The following AFG1L variants were observed in gnomAD, a reference collection of about 807,000 sequenced individuals.
AFG1L encodes AFG1-like ATPase.
A neutral mutation model predicts 62.2 loss-of-function variants in AFG1L; 53 were observed. The observed-to-expected ratio is 0.85, with a 90% CI of 0.68 to 1.07. The LOEUF (loss-of-function observed/expected upper bound fraction) is 1.07. Among genes scored for constraint, AFG1L ranks in the 50% least tolerant of loss-of-function variants. AFG1L has a pLI of 0.00. For synonymous variants in AFG1L, 228 were observed against 210.3 expected (o/e 1.08, Z -0.73); for missense variants, 555 against 590.5 (o/e 0.94, Z 0.62).
intron 7 of AFG1L, among the ~76,000 whole-genome samples, chr6:108,402,395 C>T (rs962338560): frequency 5.3e-4 from 76 of 142,936 alleles, no homozygotes; most frequent in African/African-American, 1.8e-3. Flanking sequence ...ACCCTGGAGG[C>T]GGAGGTTGCA....
chr6:108,381,043 A>G (rs1471108108), intron 6 of AFG1L, among the ~76,000 whole-genome samples: 8 of 152,204 alleles, frequency 5.3e-5, no homozygotes, highest in Admixed American at 1.3e-4. Context: ...CTATCTTGCT[A>G]TTTCCAAGTG....
intron 6 of AFG1L, among the ~76,000 whole-genome samples, chr6:108,366,956 T>G (rs555363243): frequency 6.6e-6 from 1 of 152,292 alleles, no homozygotes; most frequent in East Asian, 1.9e-4. Context: ...TTTCTCCAGA[T>G]ATCTGCATGG....
chr6:108,352,136 T>C (rs1020697618), intron 3 of AFG1L, among the ~76,000 whole-genome samples: 4 of 152,174 alleles, frequency 2.6e-5, no homozygotes, highest in African/African-American at 7.2e-5. Flanking sequence ...CTCCCACATT[T>C]TCCACATCCC....
At chr6:108,390,777 TG>T (rs548045598) in intron 6 of AFG1L, among the ~76,000 whole-genome samples, 13 of 152,306 alleles carry the variant, frequency 8.5e-5, no homozygotes, top group Middle Eastern at 3.4e-3. Flanking sequence ...CTGACCCTGC[TG>T]GGGGGTGCCT....
In AFG1L at chr6:108,357,131, A is replaced by G. The variant is rs114619311; in HGVS notation, c.648+311A>G. ...GGGTCCTGCTCTGTCACCGAGGCCC[A>G]GGCTGGAGTGCAGTGGCATAATCAA... On this transcript the variant is annotated intron_variant, in intron 5 of 12. Transcript: ENST00000368977. Among the ~76,000 whole-genome samples, 632 of 152,188 alleles carry G rather than the reference A, an allele frequency of 4.2e-3. 5 individuals carry two copies. The highest frequency in any genetic ancestry group is 0.013 in the African/African-American group (558 of 41,538).
intron 1 of AFG1L, among the ~76,000 whole-genome samples, chr6:108,322,183 C>G (rs1206140614): frequency 6.6e-6 from 1 of 152,188 alleles, no homozygotes; most frequent in Non-Finnish European, 1.5e-5. Flanking sequence ...GCTAGGATTA[C>G]AGGTGTGAGC....
At chr6:108,387,785 G>A (rs1014413761) in intron 6 of AFG1L, 10 of 152,094 alleles carry the variant, frequency 6.6e-5, no homozygotes, top group South Asian at 6.2e-4. Context: ...TGACAAATGT[G>A]TGCTATTATC....
intron 1 of AFG1L, among the ~76,000 whole-genome samples, chr6:108,310,858 A>G (rs182030883): frequency 6.6e-6 from 1 of 152,256 alleles, no homozygotes; most frequent in East Asian, 1.9e-4. Context: ...GGTACAGGCA[A>G]GTGTGTCATT....
chr6:108,428,465 C>T (rs1048048436), intron 7 of AFG1L, among the ~76,000 whole-genome samples: 2 of 152,132 alleles, frequency 1.3e-5, no homozygotes, highest in Non-Finnish European at 2.9e-5. Context: ...TGGCTAGATA[C>T]CCAATAGTGG....
At chr6:108,410,072 G>A (rs11153107) in intron 7 of AFG1L, among the ~76,000 whole-genome samples, 53,498 of 151,920 alleles carry the variant, frequency 0.35, 9,858 homozygotes, top group Non-Finnish European at 0.42. Context: ...TTGGGAGGCC[G>A]AGGCAGGTGG....
chr6:108,517,384 C>G (rs1322390781), intron 11 of AFG1L, among the ~76,000 whole-genome samples: 1 of 152,030 alleles, frequency 6.6e-6, no homozygotes, highest in African/African-American at 2.4e-5. Flanking sequence ...ACAAACCTGA[C>G]AAAAACAAGA....
chr6:108,297,346 G>A (rs1010400572), intron 1 of AFG1L, among the ~76,000 whole-genome samples: 4 of 152,094 alleles, frequency 2.6e-5, no homozygotes, highest in African/African-American at 9.7e-5. Context: ...GACCTCAGGT[G>A]ATCCGGAGCC....
Position 108,476,934 on chromosome 6 carries a change from T to C in AFG1L, c.960T>C (p.Asp320=). Residue 320 remains aspartate (D), a splice_region_variant and synonymous_variant, in exon 9 of 13, where the codon GAT becomes GAC. Transcript: ENST00000368977. The part of the protein sequence containing the change: ...LFDELAQKQN[D]LTRPRILKVQ... ...ATGAGCTGGCTCAGAAACAAAATGATTGTACGTAAGTTAATTTCTCTTGAA... is the reference window on the plus strand; with the variant it reads ...ATGAGCTGGCTCAGAAACAAAATGACTGTACGTAAGTTAATTTCTCTTGAA... The C allele has an allele frequency of 1.2e-6, 2 of 1,612,806 alleles. No homozygotes were observed. Among genetic ancestry groups the C allele is most frequent in the Non-Finnish European group, 1.7e-6 (2 of 1,178,820 alleles).
intron 6 of AFG1L, among the ~76,000 whole-genome samples, chr6:108,383,990 A>C (rs1008439560): frequency 2.0e-5 from 3 of 150,964 alleles, no homozygotes; most frequent in Non-Finnish European, 4.4e-5. Context: ...TAGCCAAATG[A>C]TCTTTCTGCA....
intron 10 of AFG1L, among the ~76,000 whole-genome samples, chr6:108,500,979 T>C (rs1280759999): frequency 6.6e-6 from 1 of 152,166 alleles, no homozygotes; most frequent in African/African-American, 2.4e-5. Flanking sequence ...TGTGCATGTT[T>C]TTTGCCCACT....
At chr6:108,362,688 G>C (rs1219133875) in intron 5 of AFG1L, among the ~76,000 whole-genome samples, 1 of 152,160 alleles carries the variant, frequency 6.6e-6, no homozygotes, top group African/African-American at 2.4e-5. Context: ...ACTTGACCAA[G>C]GTCACACAAC....
chr6:108,386,488 G>T (rs1780769601), intron 6 of AFG1L, among the ~76,000 whole-genome samples: 1 of 151,622 alleles, frequency 6.6e-6, no homozygotes. Flanking sequence ...GAAAAGAAAA[G>T]AAAAATACCT....
At chr6:108,420,172 A>C (rs934622393) in intron 7 of AFG1L, among the ~76,000 whole-genome samples, 1 of 152,102 alleles carries the variant, frequency 6.6e-6, no homozygotes, top group Admixed American at 6.6e-5. Context: ...TGTTAGTGTG[A>C]TAATGTCTTT....
At chr6:108,408,004 G>C (rs1458045601) in intron 7 of AFG1L, among the ~76,000 whole-genome samples, 1 of 152,048 alleles carries the variant, frequency 6.6e-6, no homozygotes, top group Non-Finnish European at 1.5e-5. Context: ...AGTCAAGTAA[G>C]TTATGATTGG....
Sources: gnomAD v4.1 joint callset for allele counts (sites outside exome capture counted in the v4.1 genomes callset) on GRCh38, gnomAD v4.1.1 for gene constraint, MANE v1.5 for transcripts, NCBI Gene and HGNC (gene_info 2026-07-23, HGNC 2026-07-21) for gene names.